SMIM13: variants seen among roughly 807,000 people sequenced by gnomAD.
The protein encoded by SMIM13 is small integral membrane protein 13.
SMIM13 carries 3 observed loss-of-function variants against 5.9 expected under a neutral mutation model. The ratio of observed to expected loss-of-function variants is 0.51; its 90% CI spans 0.23 to 1.31. The LOEUF (loss-of-function observed/expected upper bound fraction) is 1.31. Among genes scored for constraint, SMIM13 ranks in the 40% most tolerant of loss-of-function variants. The pLI is 0.18. For missense variants in SMIM13, 85 were observed against 109.9 expected (o/e 0.77, Z 1.01); for synonymous variants, 55 against 46.0 (o/e 1.19, Z -0.79).
At chr6:11,112,236 G>C (rs920874802) in intron 1 of SMIM13, among the ~76,000 whole-genome samples, 1 of 151,902 alleles carries the variant, frequency 6.6e-6, no homozygotes, top group Admixed American at 6.6e-5. Context: ...TTAACCTAAT[G>C]GCCTCCTGAT....
At chr6:11,131,243 A>G (rs1169275692) in intron 1 of SMIM13, among the ~76,000 whole-genome samples, 2 of 152,150 alleles carry the variant, frequency 1.3e-5, no homozygotes, top group Non-Finnish European at 2.9e-5. Flanking sequence ...GATTTATCTT[A>G]CCAGTTTCTT....
intron 1 of SMIM13, among the ~76,000 whole-genome samples, chr6:11,106,039 A>C (rs1178880297): frequency 2.6e-5 from 4 of 152,162 alleles, no homozygotes; most frequent in Non-Finnish European, 4.4e-5. Flanking sequence ...GGTTATTTCC[A>C]CTTTTCCTGA....
intron 1 of SMIM13, among the ~76,000 whole-genome samples, chr6:11,130,777 C>T (rs1209580157): frequency 1.3e-5 from 2 of 152,134 alleles, no homozygotes; most frequent in Non-Finnish European, 2.9e-5. Context: ...TAGTTCCTTA[C>T]CTTGTAGATT....
intron 1 of SMIM13, chr6:11,104,097 T>A: frequency 6.4e-7 from 1 of 1,551,752 alleles, no homozygotes; most frequent in Non-Finnish European, 8.7e-7. Flanking sequence ...AGAGTCGATT[T>A]GTTCTTGCAT....
At chr6:11,114,487 G>A (rs1758210202) in intron 1 of SMIM13, among the ~76,000 whole-genome samples, 1 of 127,746 alleles carries the variant, frequency 7.8e-6, no homozygotes, top group African/African-American at 3.0e-5. Flanking sequence ...CTTCCCCTCT[G>A]TTTCTACTTT....
intron 1 of SMIM13, among the ~76,000 whole-genome samples, chr6:11,113,930 C>T (rs1380360466): frequency 2.0e-5 from 3 of 148,474 alleles, no homozygotes; most frequent in Non-Finnish European, 4.5e-5. Context: ...TTGATAAGTC[C>T]TTCTTATCAA....
chr6:11,104,354 T>C, intron 1 of SMIM13: 2 of 1,551,728 alleles, frequency 1.3e-6, no homozygotes, highest in Non-Finnish European at 1.7e-6. Context: ...TTACATAGCC[T>C]ATGGTACAAG....
intron 1 of SMIM13, among the ~76,000 whole-genome samples, chr6:11,101,742 C>CTT (rs70991083): frequency 4.8e-4 from 67 of 139,268 alleles, no homozygotes; most frequent in African/African-American, 6.7e-4. Flanking sequence ...TTAAGCAATT[C>CTT]TTTTTTTTTT....
chr6:11,100,534 A>G (rs756528563), intron 1 of SMIM13, among the ~76,000 whole-genome samples: 13 of 151,970 alleles, frequency 8.6e-5, no homozygotes, highest in Admixed American at 2.6e-4. Context: ...TACTTTCTCT[A>G]TTATCCTCTT....
intron 1 of SMIM13, among the ~76,000 whole-genome samples, chr6:11,098,950 A>G (rs1368039579): frequency 2.0e-5 from 3 of 152,242 alleles, no homozygotes; most frequent in Non-Finnish European, 4.4e-5. Flanking sequence ...TCGATCTCTG[A>G]AATAAAATGT....
Position 11,134,787 on chromosome 6 carries a change from A to G in SMIM13, c.*185A>G. 2.3e-6 allele frequency: 1 copy of G among 433,844 alleles called. No individual in the cohort carries two copies. The highest frequency in any genetic ancestry group is 4.0e-6 in the Non-Finnish European group (1 of 250,082). The allele number at this position is 433,844 out of a possible 1,614,324, so 26.9% of individuals were successfully genotyped here. A position where few individuals can be genotyped will look rare whatever the true frequency, so the allele number is the denominator to read the frequency against. On this transcript the variant is annotated 3_prime_UTR_variant, in exon 2 of 2. Coordinates refer to ENST00000416247, the MANE Select transcript of SMIM13 (RefSeq NM_001135575.2). ...ACCAAATTGGACTATTATAAATTTCATCTTAAAGATAATCTTTTGTTTCAC... is the reference window on the plus strand; with the variant it reads ...ACCAAATTGGACTATTATAAATTTCGTCTTAAAGATAATCTTTTGTTTCAC...
intron 1 of SMIM13, among the ~76,000 whole-genome samples, chr6:11,114,592 C>CTCTTTTTTTTT (rs1758212653): frequency 9.2e-5 from 2 of 21,826 alleles, no homozygotes; most frequent in Non-Finnish European, 1.5e-4. Context: ...CACTTTTTCT[C>CTCTTTTTTTTT]TTTTTTTTTT....
At chr6:11,110,827 C>A (rs115082527) in intron 1 of SMIM13, among the ~76,000 whole-genome samples, 1 of 152,130 alleles carries the variant, frequency 6.6e-6, no homozygotes. Context: ...ACCCTGCAAA[C>A]GGCAGAGAAT....
At chr6:11,104,849 G>C (rs1200298104) in intron 1 of SMIM13, 21 of 1,614,200 alleles carry the variant, frequency 1.3e-5, no homozygotes, top group Admixed American at 1.7e-5. Flanking sequence ...AAGTCTGTTG[G>C]TTAGAATCTA....
At chr6:11,119,546 C>A (rs528909662) in intron 1 of SMIM13, among the ~76,000 whole-genome samples, 1 of 151,966 alleles carries the variant, frequency 6.6e-6, no homozygotes, top group African/African-American at 2.4e-5. Flanking sequence ...CCCAGCTACT[C>A]GGGAGGCAGA....
At chr6:11,128,087 G>A (rs1167471455) in intron 1 of SMIM13, among the ~76,000 whole-genome samples, 2 of 152,194 alleles carry the variant, frequency 1.3e-5, no homozygotes, top group Non-Finnish European at 2.9e-5. Context: ...TTGAGTAAGA[G>A]TTTCTCCGCA....
intron 1 of SMIM13, among the ~76,000 whole-genome samples, chr6:11,116,513 A>C (rs1465796673): frequency 6.6e-6 from 1 of 152,244 alleles, no homozygotes; most frequent in Non-Finnish European, 1.5e-5. Context: ...AAAGATTTTC[A>C]ACTACAAATT....
In SMIM13 at chr6:11,099,461, C is replaced by T. The variant is rs1254264303; in HGVS notation, c.76+5072C>T. ...GTGCTGGGATTACAGGTGTGACCCA[C>T]CGTGCCTGGCCCATACTACATGTTT... is the stretch of plus-strand genomic sequence containing the variant. On this transcript the variant is annotated intron_variant, in intron 1 of 1. Transcript: ENST00000416247. Among the ~76,000 whole-genome samples the T allele has an allele frequency of 2.0e-5, 3 of 152,224 alleles. No homozygotes were observed. The East Asian group carries it at 5.8e-4, about 29-fold the overall frequency.
intron 1 of SMIM13, among the ~76,000 whole-genome samples, chr6:11,133,459 G>T (rs1299087390): frequency 6.6e-6 from 1 of 152,092 alleles, no homozygotes; most frequent in East Asian, 1.9e-4. Flanking sequence ...GATTAACACG[G>T]CTAGAAAAGC....
Sources: gnomAD v4.1 joint callset for allele counts (sites outside exome capture counted in the v4.1 genomes callset) on GRCh38, gnomAD v4.1.1 for gene constraint, MANE v1.5 for transcripts, NCBI Gene and HGNC (gene_info 2026-07-23, HGNC 2026-07-21) for gene names.